The following DNAH8 variants were observed in gnomAD, a reference collection of about 807,000 sequenced individuals.
The protein encoded by DNAH8 is dynein axonemal heavy chain 8.
In DNAH8, 382 loss-of-function variants were observed where a neutral mutation model predicts 562.1. The ratio of observed to expected loss-of-function variants is 0.68; its 90% confidence interval spans 0.63 to 0.74. The LOEUF is 0.74. DNAH8 is among the 30% of genes least tolerant of loss of function. The pLI, the probability that DNAH8 is intolerant of heterozygous loss-of-function variation, is 0.00. For synonymous variants in DNAH8, 1,881 were observed against 1,919.4 expected, an observed-to-expected ratio of 0.98 and a Z score of 0.52; for missense variants, 5,203 against 5,620.4, an observed-to-expected ratio of 0.93 and a Z score of 2.37.
In DNAH8 at chr6:38,863,496, CACA is replaced by C. The variant is rs372274227; in HGVS notation, c.6311-351_6311-349del. On this transcript the variant is annotated intron_variant, in intron 44 of 92. Transcript: ENST00000327475. ...AACTCCTGATCTCTAGGTGCTCAGA[CACA>C]ACAACAACAACAACAACAACAACAA... Among the ~76,000 whole-genome samples, 798 of 151,388 alleles carry C rather than the reference CACA, an allele frequency of 5.3e-3. 7 individuals are homozygous for C. Among genetic ancestry groups the C allele is most frequent in the African/African-American group, 0.014 (586 of 41,356 alleles).
At chr6:38,984,127 C>T (rs1417106014) in intron 86 of DNAH8, 79 bp from the exon 87 acceptor site, 2 of 773,534 alleles carry the variant, frequency 2.6e-6, no homozygotes, top group Non-Finnish European at 4.3e-6. Flanking sequence ...CCAGACCTTT[C>T]CTCTAGGGAA....
chr6:38,889,500 C>T (rs1266426476), intron 57 of DNAH8, among the ~76,000 whole-genome samples: 1 of 152,166 alleles, frequency 6.6e-6, no homozygotes, highest in Admixed American at 6.5e-5. Flanking sequence ...GTGGTCTGTA[C>T]ATGAGCGTTT....
chr6:38,991,594 G>A (rs926107966), intron 88 of DNAH8, among the ~76,000 whole-genome samples: 1 of 152,136 alleles, frequency 6.6e-6, no homozygotes, highest in East Asian at 1.9e-4. Context: ...GACCGACAGT[G>A]ACCTACATAC....
At chr6:38,795,515 GC>G (rs35440321) in intron 21 of DNAH8, among the ~76,000 whole-genome samples, 20,088 of 151,858 alleles carry the variant, frequency 0.13, 1,585 homozygotes, top group East Asian at 0.37. Flanking sequence ...AGGAGGCGGA[GC>G]TTGCAGTGAG....
At position 38,848,671 on chromosome 6, in the gene DNAH8, AT is replaced by A. The variant is rs1311885445; in HGVS notation, c.5070del (p.Asn1690LysfsTer15). On this transcript the variant is annotated frameshift_variant, in exon 37 of 93. Transcript: ENST00000327475. LOFTEE classifies it high-confidence loss of function. ...AGATACAATGCTCCATTTAAAAAAA[AT>A]ATCCAGAATTGGGTGTATAAATTGT... is the stretch of plus-strand genomic sequence containing the variant. ...SNRYNAPFKK[N>X]IQNWVYKLST... is the part of the protein sequence containing the mutation. 13 of 1,610,612 alleles carry A rather than the reference AT, an allele frequency of 8.1e-6. No homozygotes were observed. The highest frequency in any genetic ancestry group is 5.5e-5 in the South Asian group (5 of 90,818).
Position 38,932,154 on chromosome 6 carries a change from C to A in DNAH8, c.11457+161C>A, listed in dbSNP as rs180810758. Among the ~76,000 whole-genome samples the A allele has an allele frequency of 1.8e-3, 260 of 148,006 alleles. 1 individual carries two copies. Among genetic ancestry groups the A allele is most frequent in the African/African-American group, 6.3e-3 (250 of 39,970 alleles). On this transcript the variant is annotated intron_variant, in intron 76 of 92. Coordinates refer to ENST00000327475, the MANE Select transcript of DNAH8 (RefSeq NM_001206927.2). ...GCAGCCTTAATTCCTGTCAAGAAATCATGTAACTCATCTTCTCATCCAGCC... is the reference window on the plus strand; with the variant it reads ...GCAGCCTTAATTCCTGTCAAGAAATAATGTAACTCATCTTCTCATCCAGCC...
chr6:38,827,635 T>C (rs1047088468), intron 29 of DNAH8, among the ~76,000 whole-genome samples: 6 of 151,320 alleles, frequency 4.0e-5, no homozygotes, highest in Non-Finnish European at 7.4e-5. Flanking sequence ...AAAATCGTGG[T>C]ATTTGGGGAT....
chr6:38,795,949 A>T (rs563823018), intron 21 of DNAH8, among the ~76,000 whole-genome samples: 22 of 152,284 alleles, frequency 1.4e-4, no homozygotes, highest in Non-Finnish European at 2.9e-5. Flanking sequence ...GGTTTAGGAC[A>T]GATTATGCGA....
chr6:38,737,028 A>T, intron 5 of DNAH8, 39 bp from the exon 6 acceptor site: 1 of 1,422,728 alleles, frequency 7.0e-7, no homozygotes, highest in Non-Finnish European at 9.3e-7. Flanking sequence ...CTTTAGTGGG[A>T]TTAGCATGTA....
At chr6:38,801,698 C>T (rs1455878797) in intron 21 of DNAH8, among the ~76,000 whole-genome samples, 5 of 152,122 alleles carry the variant, frequency 3.3e-5, no homozygotes, top group Non-Finnish European at 5.9e-5. Context: ...TCAGAAGAGT[C>T]GGTGGGTGTG....
chr6:38,919,751 C>T (rs1781561495), intron 70 of DNAH8, among the ~76,000 whole-genome samples: 1 of 152,044 alleles, frequency 6.6e-6, no homozygotes, highest in Non-Finnish European at 1.5e-5. Flanking sequence ...TCAGTCATTC[C>T]TAATTAGGAA....
intron 62 of DNAH8, among the ~76,000 whole-genome samples, chr6:38,900,890 T>A (rs1183261362): frequency 6.6e-6 from 1 of 152,228 alleles, no homozygotes; most frequent in Non-Finnish European, 1.5e-5. Flanking sequence ...ATTATAGGCG[T>A]GAGCCACCGC....
intron 10 of DNAH8, among the ~76,000 whole-genome samples, chr6:38,759,606 C>T (rs572172286): frequency 1.3e-5 from 2 of 152,260 alleles, no homozygotes; most frequent in Admixed American, 6.5e-5. Context: ...CTGGTAGGCC[C>T]ACCTTTGCAC....
intron 92 of DNAH8, among the ~76,000 whole-genome samples, chr6:39,029,123 A>T (rs1381627883): frequency 1.3e-5 from 2 of 151,918 alleles, no homozygotes; most frequent in African/African-American, 4.8e-5. Flanking sequence ...TCCAGTTTAA[A>T]CTCTTCAGCT....
chr6:38,849,083 C>T (rs1470802497), intron 37 of DNAH8, among the ~76,000 whole-genome samples: 5 of 152,062 alleles, frequency 3.3e-5, no homozygotes, highest in African/African-American at 7.2e-5. Flanking sequence ...TACTATCTGG[C>T]CCTTCACAGA....
chr6:38,966,108 A>G (rs1472965987), intron 82 of DNAH8, among the ~76,000 whole-genome samples: 1 of 152,140 alleles, frequency 6.6e-6, no homozygotes, highest in Non-Finnish European at 1.5e-5. Flanking sequence ...ATATTTAGCT[A>G]AACTAACCAA....
Position 38,802,185 on chromosome 6 carries a change from C to T in DNAH8, c.2902-994C>T, listed in dbSNP as rs115917677. Among the ~76,000 whole-genome samples, 423 of 152,228 alleles carry T rather than the reference C, an allele frequency of 2.8e-3. 3 individuals carry two copies. Among genetic ancestry groups the T allele is most frequent in the African/African-American group, 9.6e-3 (400 of 41,548 alleles). On this transcript the variant is annotated intron_variant, in intron 21 of 92. Transcript: ENST00000327475. Reference sequence around the variant, plus strand: ...TCCTGGGCTCAAGCAATCCTCCATCCTCAGCCTCCAAAAGGGTTAGGATTA... The same window carrying T: ...TCCTGGGCTCAAGCAATCCTCCATCTTCAGCCTCCAAAAGGGTTAGGATTA...
chr6:38,985,123 C>T (rs1366342069), intron 87 of DNAH8, among the ~76,000 whole-genome samples: 1 of 152,176 alleles, frequency 6.6e-6, no homozygotes, highest in East Asian at 1.9e-4. Context: ...AGGAAGTGTT[C>T]ACTTTTTCTC....
intron 10 of DNAH8, among the ~76,000 whole-genome samples, chr6:38,756,789 C>A (rs983662192): frequency 2.0e-5 from 3 of 151,320 alleles, no homozygotes; most frequent in Non-Finnish European, 2.9e-5. Flanking sequence ...TTTGTCCTTG[C>A]GATAGTTTGC....
Sources: gnomAD v4.1 joint callset for allele counts (sites outside exome capture counted in the v4.1 genomes callset) on GRCh38, gnomAD v4.1.1 for gene constraint, MANE v1.5 for transcripts, NCBI Gene and HGNC (gene_info 2026-07-23, HGNC 2026-07-21) for gene names.